PHACTR2: variants seen among roughly 807,000 people sequenced by gnomAD.
The protein encoded by PHACTR2 is chromosome 6 open reading frame 56.
PHACTR2 carries 30 observed loss-of-function variants against 76.0 expected under a neutral mutation model. The ratio of observed to expected loss-of-function variants is 0.39; its 90% CI spans 0.30 to 0.54. The LOEUF (loss-of-function observed/expected upper bound fraction) is 0.54, where lower values mean the gene tolerates loss of function less well. PHACTR2 is among the 20% of genes least tolerant of loss of function. The pLI is 0.61. For missense variants in PHACTR2, 696 were observed against 781.1 expected, an observed-to-expected ratio of 0.89 and a Z score of 1.30; for synonymous variants, 292 against 292.5, an observed-to-expected ratio of 1.00 and a Z score of 0.02.
In PHACTR2 at chr6:143,753,806, C is replaced by T. The variant is rs1264108019; in HGVS notation, c.348C>T (p.Ile116=). 6.2e-6 allele frequency: 10 copies of T among 1,611,530 alleles called. No homozygotes were observed. The highest frequency in any genetic ancestry group is 1.3e-5 in the African/African-American group (1 of 74,762). ...ATTCAAACGGGCACATGATACCCAT[C>T]GGAGAGGAATCTACCCGAGAGGAAA... ...FENSNGHMIP[I]GEESTREENV... The change falls in exon 4 of 13, where the codon ATC becomes ATT. Residue 116 remains isoleucine, a synonymous_variant. Transcript: ENST00000440869. This position sits in a 1 kb window ranked among gnomAD's most constrained non-coding sequence, Gnocchi z 4.6.
At chr6:143,802,685 G>T (rs1355641662) in intron 11 of PHACTR2, among the ~76,000 whole-genome samples, 1 of 145,218 alleles carries the variant, frequency 6.9e-6, no homozygotes, top group African/African-American at 2.5e-5. Context: ...TTACATATAT[G>T]TGAAGAATTA....
chr6:143,639,888 A>T lies in PHACTR2; in HGVS notation c.13+31566A>T, dbSNP rs1776533592. On this transcript the variant is annotated intron_variant, in intron 1 of 11. Transcript: ENST00000305766. The surrounding 1 kb of genome is among the most constrained non-coding windows in gnomAD (Gnocchi z 5.0). ...ATTAGAAGTCAACATAACTACTCTA[A>T]AGATAATGTGTTCTGGTTCCTAGCC... 6.6e-6 allele frequency among the ~76,000 whole-genome samples: 1 copy of T among 152,218 alleles called. No individual in the cohort carries two copies. The highest frequency in any genetic ancestry group is 2.1e-4 in the South Asian group (1 of 4,834).
Position 143,765,309 on chromosome 6 carries a change from C to G in PHACTR2, c.743C>G (p.Ser248Trp). ...KKTTGSKASA[S>W]PSTSSTSSRP... ...ACAACTGGCTCTAAAGCATCAGCTT[C>G]GCCATCCACTTCATCCACCTCATCT... The change falls in exon 6 of 13, where the codon TCG becomes TGG. Residue 248 changes from serine (S) to tryptophan (W), a missense_variant. Ser to Trp is a radical substitution (Grantham distance 177). Coordinates refer to ENST00000440869, the MANE Select transcript of PHACTR2 (RefSeq NM_001100164.2). The surrounding 1 kb of genome is among the most constrained non-coding windows in gnomAD (Gnocchi z 4.1). The G allele has an allele frequency of 6.2e-7, 1 of 1,614,150 alleles. No homozygotes were observed. Among genetic ancestry groups the G allele is most frequent in the Non-Finnish European group, 8.5e-7 (1 of 1,179,990 alleles).
Position 143,730,809 on chromosome 6 carries a change from G to A in PHACTR2, c.215-18176G>A, listed in dbSNP as rs773362768. On this transcript the variant is annotated intron_variant, in intron 2 of 12. Transcript: ENST00000440869. The surrounding 1 kb of genome is among the most constrained non-coding windows in gnomAD (Gnocchi z 4.8). ...GTGGCCCAGGCTGGAGTGCAGTGGC[G>A]CGATCTCGGCTCACTGTAACCTCCG... Among the ~76,000 whole-genome samples, 5 of 151,798 alleles carry A rather than the reference G, an allele frequency of 3.3e-5. No individual in the cohort carries two copies. The highest frequency in any genetic ancestry group is 1.9e-4 in the East Asian group (1 of 5,150).
chr6:143,632,912 C>T (rs1156644712), intron 1 of PHACTR2, among the ~76,000 whole-genome samples: 1 of 152,122 alleles, frequency 6.6e-6, no homozygotes, highest in East Asian at 1.9e-4. Flanking sequence ...CTTAAGGTTC[C>T]TCCATGTCTT....
At position 143,698,685 on chromosome 6, in the gene PHACTR2, G is replaced by T. The variant is rs115523980; in HGVS notation, c.47-13331G>T. Among the ~76,000 whole-genome samples, 649 of 152,338 alleles carry T rather than the reference G, an allele frequency of 4.3e-3. 6 individuals carry two copies. The highest frequency in any genetic ancestry group is 0.015 in the African/African-American group (616 of 41,574). On this transcript the variant is annotated intron_variant, in intron 1 of 12. Transcript: ENST00000440869. The surrounding 1 kb of genome is among the most constrained non-coding windows in gnomAD (Gnocchi z 4.3). ...TACTCACTACACACTGCAGGTCTAC[G>T]TTTGGGTGGATGGTTGTTTGACTAA... is the stretch of plus-strand genomic sequence containing the variant.
At chr6:143,752,130 A>G (rs1210063333) in intron 3 of PHACTR2, among the ~76,000 whole-genome samples, 1 of 152,166 alleles carries the variant, frequency 6.6e-6, no homozygotes, top group Non-Finnish European at 1.5e-5. Flanking sequence ...AAATTTAATA[A>G]ATCAGTTATT....
In PHACTR2 at chr6:143,619,887, A is replaced by G. The variant is rs1014802293; in HGVS notation, c.13+11565A>G. On this transcript the variant is annotated intron_variant, in intron 1 of 11. Transcript: ENST00000305766. The surrounding 1 kb of genome is among the most constrained non-coding windows in gnomAD (Gnocchi z 4.5). ...GAAAATATCTTAGGTCCCCTGTGTG[A>G]GATTCTATAGTCTTCACAGCGCCGA... is the stretch of plus-strand genomic sequence containing the variant. Among the ~76,000 whole-genome samples, 1 of 152,124 alleles carries G rather than the reference A, an allele frequency of 6.6e-6. No individual in the cohort carries two copies. The highest frequency in any genetic ancestry group is 1.5e-5 in the Non-Finnish European group (1 of 68,026).
Position 143,552,888 on chromosome 6 carries a change from G to GAAAAAAAAAAAAAAAAAAAACAAAAAAA in PHACTR2, c.217+15701_217+15702insCAAAAAAAAAAAAAAAAAAAAAAAAAAA. On this transcript the variant is annotated intron_variant, in intron 1 of 11. Coordinates refer to the PHACTR2 transcript ENST00000367584. ...ACTGAGCAAGACTCCATCTCAAAAA[G>GAAAAAAAAAAAAAAAAAAAACAAAAAAA]AAAAAAAAAAAAAAAAAAAAGCAAA... 1.7e-5 allele frequency among the ~76,000 whole-genome samples: 2 copies of GAAAAAAAAAAAAAAAAAAAACAAAAAAA among 116,650 alleles called. 1 individual carries two copies. 76.5% of individuals were successfully genotyped at this position (116,650 alleles called of 152,430 possible). A position where few individuals can be genotyped will look rare whatever the true frequency, so the allele number is the denominator to read the frequency against.
In PHACTR2 at chr6:143,627,765, C is replaced by T. The variant is rs139389775; in HGVS notation, c.13+19443C>T. On this transcript the variant is annotated intron_variant, in intron 1 of 11. Transcript: ENST00000305766. This position sits in a 1 kb window ranked among gnomAD's most constrained non-coding sequence, Gnocchi z 4.3. ...TACAGGCTCGTACCGCCACGCCCAG[C>T]TAATTTTTTGTATTTTTAGTAGAGA... is the stretch of plus-strand genomic sequence containing the variant. 3.5e-3 allele frequency among the ~76,000 whole-genome samples: 537 copies of T among 152,162 alleles called. No individual in the cohort carries two copies. Among genetic ancestry groups the T allele is most frequent in the African/African-American group, 0.012 (490 of 41,514 alleles).
rs541944504 is a variant in PHACTR2 at position 143,800,347 on chromosome 6, C to G, written c.1846-6710C>G. Among the ~76,000 whole-genome samples the G allele has an allele frequency of 6.6e-6, 1 of 152,038 alleles. No homozygotes were observed. Among genetic ancestry groups the G allele is most frequent in the Non-Finnish European group, 1.5e-5 (1 of 68,012 alleles). On this transcript the variant is annotated intron_variant, in intron 11 of 12. Coordinates refer to ENST00000440869, the MANE Select transcript of PHACTR2 (RefSeq NM_001100164.2). This position sits in a 1 kb window ranked among gnomAD's most constrained non-coding sequence, Gnocchi z 4.8. ...TGCAATCTCCGCTCACAGCAAGCTC[C>G]GCCTCCCAGGGTCACCCTATTCTCC...
At position 143,807,151 on chromosome 6, in the gene PHACTR2, G is replaced by C. The variant is rs780443802; in HGVS notation, c.1922+18G>C. ...TTTACAAGGTAGGTGACAAAATGCAGCTTAGAAATTGAAAATGCTTAAGAT... is the reference window on the plus strand; with the variant it reads ...TTTACAAGGTAGGTGACAAAATGCACCTTAGAAATTGAAAATGCTTAAGAT... On this transcript the variant is annotated intron_variant, in intron 12 of 12. Coordinates refer to ENST00000440869, the MANE Select transcript of PHACTR2 (RefSeq NM_001100164.2). This position sits in a 1 kb window ranked among gnomAD's most constrained non-coding sequence, Gnocchi z 5.5. 1.3e-6 allele frequency: 2 copies of C among 1,491,402 alleles called. No individual in the cohort carries two copies. Among genetic ancestry groups the C allele is most frequent in the South Asian group, 2.3e-5 (2 of 85,576 alleles). 92.4% of individuals were successfully genotyped at this position (1,491,402 alleles called of 1,614,324 possible).
At position 143,571,847 on chromosome 6, in the gene PHACTR2, T is replaced by C. The variant is rs1165101643; in HGVS notation, c.217+34640T>C. 2.0e-5 allele frequency among the ~76,000 whole-genome samples: 3 copies of C among 152,212 alleles called. No homozygotes were observed. Among genetic ancestry groups the C allele is most frequent in the Non-Finnish European group, 4.4e-5 (3 of 68,038 alleles). On this transcript the variant is annotated intron_variant, in intron 1 of 11. Transcript: ENST00000367584. This position sits in a 1 kb window ranked among gnomAD's most constrained non-coding sequence, Gnocchi z 4.6. ...CTATGAGCCCTGCTTTCAGTATTAT[T>C]TTAATGTTAGATTTATAACGTTCTG...
In PHACTR2 at chr6:143,809,007, A is replaced by G. The variant is rs1169806301; in HGVS notation, c.1922+1874A>G. Among the ~76,000 whole-genome samples, 1 of 152,238 alleles carries G rather than the reference A, an allele frequency of 6.6e-6. No homozygotes were observed. The highest frequency in any genetic ancestry group is 1.5e-5 in the Non-Finnish European group (1 of 68,044). ...TCATGCTGGCTGGGGCCTCCGGGCA[A>G]CTGGGAAGATAGAGTGCTTGGTGCA... On this transcript the variant is annotated intron_variant, in intron 12 of 12. Coordinates refer to ENST00000440869, the MANE Select transcript of PHACTR2 (RefSeq NM_001100164.2). This position sits in a 1 kb window ranked among gnomAD's most constrained non-coding sequence, Gnocchi z 4.2.
Position 143,751,072 on chromosome 6 carries a change from C to G in PHACTR2, c.295+2007C>G, listed in dbSNP as rs759818195. 6.6e-6 allele frequency among the ~76,000 whole-genome samples: 1 copy of G among 152,180 alleles called. No individual in the cohort carries two copies. The highest frequency in any genetic ancestry group is 2.4e-5 in the African/African-American group (1 of 41,448). On this transcript the variant is annotated intron_variant, in intron 3 of 12. Coordinates refer to ENST00000440869, the MANE Select transcript of PHACTR2 (RefSeq NM_001100164.2). The surrounding 1 kb of genome is among the most constrained non-coding windows in gnomAD (Gnocchi z 5.7). ...GAATTTCAGTCTGAGAGACTAGAAG[C>G]TGCTGTTCTTGGTAACAACCTCCTT...
intron 1 of PHACTR2, among the ~76,000 whole-genome samples, chr6:143,667,630 C>T (rs62427377): frequency 0.16 from 23,931 of 151,908 alleles, 2,214 homozygotes; most frequent in Middle Eastern, 0.26. Context: ...TTATTCTCTT[C>T]GTAGCAATTG....
At chr6:143,746,110 A>G (rs898026880) in intron 2 of PHACTR2, among the ~76,000 whole-genome samples, 7 of 152,232 alleles carry the variant, frequency 4.6e-5, no homozygotes, top group African/African-American at 1.7e-4. Flanking sequence ...CGAACGTTTT[A>G]AAAGGTGCCC....
rs554995460 is a variant in PHACTR2 at position 143,761,524 on chromosome 6, C to G, written c.694+884C>G. Among the ~76,000 whole-genome samples the G allele has an allele frequency of 1.3e-5, 2 of 152,108 alleles. No individual in the cohort carries two copies. The highest frequency in any genetic ancestry group is 6.6e-5 in the Admixed American group (1 of 15,266). ...ATCCCAGCACTTTGGGAGGCTGATG[C>G]GGATCGATCACTTGAGGTCAGGAGT... On this transcript the variant is annotated intron_variant, in intron 5 of 12. Transcript: ENST00000440869. The surrounding 1 kb of genome is among the most constrained non-coding windows in gnomAD (Gnocchi z 5.2).
chr6:143,552,527 C>G lies in PHACTR2; in HGVS notation c.217+15320C>G, dbSNP rs536144778. 9.8e-5 allele frequency among the ~76,000 whole-genome samples: 15 copies of G among 152,288 alleles called. No homozygotes were observed. In the South Asian group the frequency reaches 2.5e-3, roughly 25 times the overall value. On this transcript the variant is annotated intron_variant, in intron 1 of 11. Transcript: ENST00000367584. ...CACCCAGTACCTTTCAATAATCTTTCATTAACATGATCTTCTGTGCTCAGA... is the reference window on the plus strand; with the variant it reads ...CACCCAGTACCTTTCAATAATCTTTGATTAACATGATCTTCTGTGCTCAGA...
Sources: allele counts gnomAD v4.1 joint callset (sites outside exome capture counted in the v4.1 genomes callset), GRCh38; gene constraint gnomAD v4.1.1; non-coding constraint Gnocchi (gnomAD v3.1); transcripts MANE v1.5; gene names NCBI Gene and HGNC (gene_info 2026-07-23, HGNC 2026-07-21).